EBF2: variants seen among roughly 807,000 people sequenced by gnomAD.
EBF2 encodes the protein transcription factor COE2.
In EBF2, 21 loss-of-function variants were observed where a neutral mutation model predicts 72.8. The observed-to-expected ratio is 0.29, with a 90% confidence interval of 0.20 to 0.42. EBF2 has a LOEUF of 0.42. Ranked by LOEUF, EBF2 falls within the 10% of genes least tolerant of loss-of-function variation. The pLI is 1.00. For missense variants in EBF2, 637 were observed against 731.2 expected, an observed-to-expected ratio of 0.87 and a Z score of 1.49; for synonymous variants, 299 against 274.2, an observed-to-expected ratio of 1.09 and a Z score of -0.89.
chr8:25,952,620 A>G (rs1803882031), intron 6 of EBF2, among the ~76,000 whole-genome samples: 1 of 151,914 alleles, frequency 6.6e-6, no homozygotes, highest in Non-Finnish European at 1.5e-5. Flanking sequence ...ACTCCTTTTC[A>G]CAGACTTTGC....
At chr8:25,973,619 A>G (rs1302814460) in intron 6 of EBF2, among the ~76,000 whole-genome samples, 1 of 152,060 alleles carries the variant, frequency 6.6e-6, no homozygotes, top group Non-Finnish European at 1.5e-5. Context: ...CCATCCTCAA[A>G]TCTGTCTGCT....
intron 13 of EBF2, among the ~76,000 whole-genome samples, chr8:25,860,667 A>G (rs1427155431): frequency 6.6e-6 from 1 of 150,930 alleles, no homozygotes; most frequent in Admixed American, 6.6e-5. Flanking sequence ...AGTTGGGACT[A>G]CATCTGCCCA....
intron 6 of EBF2, among the ~76,000 whole-genome samples, chr8:25,949,303 T>A (rs892390770): frequency 3.3e-5 from 5 of 152,248 alleles, no homozygotes; most frequent in African/African-American, 7.2e-5. Context: ...TACGTCATGC[T>A]GTCTTCCCCT....
chr8:25,846,499 G>T (rs1801838536), intron 15 of EBF2, among the ~76,000 whole-genome samples: 1 of 152,058 alleles, frequency 6.6e-6, no homozygotes, highest in African/African-American at 2.4e-5. Flanking sequence ...ACCAGCCTGA[G>T]CAACATGATG....
At chr8:26,042,731 T>C (rs1445634062) in intron 1 of EBF2, among the ~76,000 whole-genome samples, 1 of 152,116 alleles carries the variant, frequency 6.6e-6, no homozygotes, top group Non-Finnish European at 1.5e-5. Flanking sequence ...TTTTATTTAG[T>C]ATTAATTCGA....
At chr8:25,867,451 T>C (rs1367482726) in intron 10 of EBF2, among the ~76,000 whole-genome samples, 1 of 152,206 alleles carries the variant, frequency 6.6e-6, no homozygotes, top group Middle Eastern at 3.2e-3. Context: ...TCTCCACTTC[T>C]AGAAACCCTC....
intron 5 of EBF2, among the ~76,000 whole-genome samples, chr8:26,035,255 T>C (rs1385756465): frequency 2.0e-5 from 3 of 152,082 alleles, no homozygotes; most frequent in African/African-American, 4.8e-5. Context: ...TGATCCTCCT[T>C]TCTCAGACTC....
rs752404670 is a variant in EBF2 at position 25,861,014 on chromosome 8, A to G, written c.1342+35T>C. ...ACTCCAGCAGAACTTTTTAAATTAG[A>G]CATATTTGGATTTTGACTCTAAGAA... On this transcript the variant is annotated intron_variant, in intron 13 of 15. Coordinates refer to ENST00000520164, the MANE Select transcript of EBF2 (RefSeq NM_022659.4). 17 of 1,613,338 alleles carry G rather than the reference A, an allele frequency of 1.1e-5. No individual in the cohort carries two copies. In the South Asian group the frequency reaches 1.4e-4, roughly 14 times the overall value.
At chr8:25,919,196 TG>T (rs1803270990) in intron 6 of EBF2, among the ~76,000 whole-genome samples, 1 of 152,212 alleles carries the variant, frequency 6.6e-6, no homozygotes, top group African/African-American at 2.4e-5. Context: ...AGCTTCATTT[TG>T]ACTCCCAAAA....
At chr8:25,867,452 A>G (rs912765657) in intron 10 of EBF2, among the ~76,000 whole-genome samples, 1 of 152,178 alleles carries the variant, frequency 6.6e-6, no homozygotes, top group Non-Finnish European at 1.5e-5. Context: ...CTCCACTTCT[A>G]GAAACCCTCC....
chr8:25,925,606 C>T (rs1220022987), intron 6 of EBF2, among the ~76,000 whole-genome samples: 6 of 152,160 alleles, frequency 3.9e-5, no homozygotes, highest in Admixed American at 6.5e-5. Flanking sequence ...GCAGTGTGTG[C>T]GTGCATGTGT....
chr8:26,044,645 A>G lies in EBF2; in HGVS notation c.131+84T>C. ...TGGGGGGACAGGGAGAGAGAAAGGC[A>G]CGGGGTGCGCGGGGGGGGTGCACAC... On this transcript the variant is annotated intron_variant, in intron 1 of 15. Coordinates refer to ENST00000520164, the MANE Select transcript of EBF2 (RefSeq NM_022659.4). This position sits in a 1 kb window ranked among gnomAD's most constrained non-coding sequence, Gnocchi z 4.1. The G allele has an allele frequency of 6.5e-7, 1 of 1,529,638 alleles. No individual in the cohort carries two copies. Among genetic ancestry groups the G allele is most frequent in the South Asian group, 1.2e-5 (1 of 82,332 alleles). The allele number at this position is 1,529,638 out of a possible 1,614,324, so 94.8% of individuals were successfully genotyped here. A position where few individuals can be genotyped will look rare whatever the true frequency, so the allele number is the denominator to read the frequency against.
At chr8:25,879,061 TAAC>T (rs1802566158) in intron 10 of EBF2, among the ~76,000 whole-genome samples, 1 of 152,302 alleles carries the variant, frequency 6.6e-6, no homozygotes, top group Non-Finnish European at 1.5e-5. Flanking sequence ...AAAATTTAAA[TAAC>T]AACAACACTG....
intron 6 of EBF2, among the ~76,000 whole-genome samples, chr8:26,006,049 C>T (rs990418409): frequency 6.6e-6 from 1 of 152,026 alleles, no homozygotes; most frequent in South Asian, 2.1e-4. Context: ...CACAAGGAGC[C>T]AAACATCCTT....
chr8:25,854,024 C>A (rs75352607), intron 14 of EBF2, among the ~76,000 whole-genome samples: 3,245 of 152,144 alleles, frequency 0.021, 137 homozygotes, highest in African/African-American at 0.074. Context: ...TTTTCTACAA[C>A]AAACTTGTAT....
intron 6 of EBF2, among the ~76,000 whole-genome samples, chr8:25,983,567 G>A (rs1355864171): frequency 6.6e-6 from 1 of 152,118 alleles, no homozygotes; most frequent in Non-Finnish European, 1.5e-5. Flanking sequence ...ACTAATTTGG[G>A]ACTGGGTTGT....
At chr8:25,881,982 T>C (rs956111046) in intron 10 of EBF2, among the ~76,000 whole-genome samples, 2 of 152,146 alleles carry the variant, frequency 1.3e-5, no homozygotes, top group African/African-American at 4.8e-5. Context: ...CGATAAAACC[T>C]TGCACTCATT....
intron 6 of EBF2, among the ~76,000 whole-genome samples, chr8:26,005,561 T>TATATATAGAG (rs375386709): frequency 3.1e-5 from 2 of 63,886 alleles, no homozygotes; most frequent in African/African-American, 7.3e-5. Context: ...TATATATATA[T>TATATATAGAG]AGAGAGAGAG....
At chr8:25,850,783 C>A (rs1281883571) in intron 14 of EBF2, 22 bp from the exon 15 acceptor site, 2 of 1,545,022 alleles carry the variant, frequency 1.3e-6, no homozygotes, top group Non-Finnish European at 1.7e-6. Flanking sequence ...ATGCACAATC[C>A]TCATTTAGAA....
Sources: gnomAD v4.1 joint callset for allele counts (sites outside exome capture counted in the v4.1 genomes callset) on GRCh38, gnomAD v4.1.1 for gene constraint, Gnocchi (gnomAD v3.1) non-coding constraint, MANE v1.5 for transcripts, NCBI Gene and HGNC (gene_info 2026-07-23, HGNC 2026-07-21) for gene names.